UBE2G1: variants seen among roughly 807,000 people sequenced by gnomAD.
The protein encoded by UBE2G1 is ubiquitin-conjugating enzyme E2 G1.
UBE2G1 carries 5 observed loss-of-function variants against 22.7 expected under a neutral mutation model. The observed-to-expected ratio is 0.22, with a 90% CI of 0.12 to 0.46. The LOEUF is 0.46. Ranked by LOEUF, UBE2G1 falls within the 20% of genes least tolerant of loss-of-function variation. UBE2G1 has a pLI of 0.99. For missense variants in UBE2G1, 88 were observed against 203.9 expected (o/e 0.43, Z 3.46); for synonymous variants, 74 against 67.5 (o/e 1.10, Z -0.47).
intron 3 of UBE2G1, among the ~76,000 whole-genome samples, chr17:4,296,411 T>C (rs931383993): frequency 1.3e-4 from 20 of 152,000 alleles, no homozygotes; most frequent in Non-Finnish European, 1.5e-5. Context: ...TACAGGTGTG[T>C]GCCACCATGC....
chr17:4,337,036 T>C (rs1969655887), intron 1 of UBE2G1, among the ~76,000 whole-genome samples: 1 of 152,172 alleles, frequency 6.6e-6, no homozygotes, highest in Non-Finnish European at 1.5e-5. Flanking sequence ...AGACTTGACA[T>C]TTATGTACTC....
At chr17:4,335,457 C>A (rs900316622) in intron 1 of UBE2G1, 3 of 152,118 alleles carry the variant, frequency 2.0e-5, no homozygotes, top group Non-Finnish European at 4.4e-5. Flanking sequence ...CTGTAACCAG[C>A]CAAAACATCA....
Position 4,366,597 on chromosome 17 carries a change from G to C in UBE2G1, c.-281C>G. 2.9e-6 allele frequency: 1 copy of C among 341,112 alleles called. No homozygotes were observed. The highest frequency in any genetic ancestry group is 7.9e-5 in the South Asian group (1 of 12,614). The allele number at this position is 341,112 out of a possible 1,614,324, so 21.1% of individuals were successfully genotyped here. A position where few individuals can be genotyped will look rare whatever the true frequency, so the allele number is the denominator to read the frequency against. ...CTCGCCCGCTTCCCTCCTTCAACCC[G>C]CCCGTCGGCCCCACCGGTGCCTTCC... On this transcript the variant is annotated 5_prime_UTR_variant, in exon 1 of 6. Transcript: ENST00000396981.
chr17:4,286,297 C>T (rs1218548111), intron 4 of UBE2G1, among the ~76,000 whole-genome samples: 5 of 150,948 alleles, frequency 3.3e-5, no homozygotes, highest in African/African-American at 7.3e-5. Context: ...CCCAGCTACT[C>T]GGGAGGCTGA....
At chr17:4,325,293 C>A (rs1261310299) in intron 1 of UBE2G1, among the ~76,000 whole-genome samples, 2 of 152,034 alleles carry the variant, frequency 1.3e-5, no homozygotes, top group African/African-American at 4.8e-5. Flanking sequence ...TGGGTGATGA[C>A]GTGTCAATGT....
chr17:4,317,537 A>G (rs1040447312), intron 1 of UBE2G1, among the ~76,000 whole-genome samples: 1 of 152,176 alleles, frequency 6.6e-6, no homozygotes, highest in African/African-American at 2.4e-5. Context: ...CAACAAAACA[A>G]AAAATATTCC....
At chr17:4,335,591 C>G (rs1442811782) in intron 1 of UBE2G1, among the ~76,000 whole-genome samples, 1 of 152,126 alleles carries the variant, frequency 6.6e-6, no homozygotes, top group Non-Finnish European at 1.5e-5. Context: ...CTTTATAATA[C>G]CCATAGAACT....
intron 1 of UBE2G1, among the ~76,000 whole-genome samples, chr17:4,340,846 G>A (rs1969703059): frequency 7.0e-6 from 1 of 143,064 alleles, no homozygotes; most frequent in Admixed American, 7.2e-5. Flanking sequence ...GGTCTCAAGT[G>A]ACCCTCCCAT....
chr17:4,289,320 G>A lies in UBE2G1; in HGVS notation c.336C>T (p.Leu112=), dbSNP rs1159890795. 1.3e-6 allele frequency: 2 copies of A among 1,596,726 alleles called. No individual in the cohort carries two copies. Among genetic ancestry groups the A allele is most frequent in the East Asian group, 2.3e-5 (1 of 43,428 alleles). The change falls in exon 4 of 6, where the codon CTC becomes CTT. Residue 112 remains leucine (L), a synonymous_variant. Coordinates refer to ENST00000396981, the MANE Select transcript of UBE2G1 (RefSeq NM_003342.5). ...TGATGGTTTCCACAGTGTGGATAGG[G>A]AGCCAGCGTTCCTCTGGCTTTTCAT... ...YGYEKPEERW[L]PIHTVETIMI...
At chr17:4,311,545 C>T (rs1468649450) in intron 1 of UBE2G1, among the ~76,000 whole-genome samples, 3 of 152,134 alleles carry the variant, frequency 2.0e-5, no homozygotes, top group Non-Finnish European at 2.9e-5. Flanking sequence ...TATAAAGTCA[C>T]ATGTTATATG....
In UBE2G1 at chr17:4,276,464, T is replaced by G. The variant is rs76436977; in HGVS notation, c.*38-3948A>C. ...GTGAGCCACTGCCCCTGGCCTCCAC[T>G]GAAGTTTTTAATGTGGTTTAACCTT... On this transcript the variant is annotated intron_variant, in intron 5 of 5. Transcript: ENST00000396981. Among the ~76,000 whole-genome samples the G allele has an allele frequency of 3.9e-4, 60 of 152,278 alleles. No homozygotes were observed. In the East Asian group the frequency reaches 8.1e-3, roughly 21 times the overall value.
At chr17:4,351,224 G>C (rs1387088862) in intron 1 of UBE2G1, among the ~76,000 whole-genome samples, 1 of 151,836 alleles carries the variant, frequency 6.6e-6, no homozygotes, top group Non-Finnish European at 1.5e-5. Flanking sequence ...CTGAATGCAG[G>C]GTATGTAAGA....
intron 1 of UBE2G1, among the ~76,000 whole-genome samples, chr17:4,355,575 G>A (rs553187791): frequency 3.7e-4 from 54 of 147,440 alleles, no homozygotes; most frequent in Admixed American, 6.1e-4. Flanking sequence ...CTGGGAGGCC[G>A]AGGTTGCGGT....
At chr17:4,330,991 C>A (rs912947659) in intron 1 of UBE2G1, among the ~76,000 whole-genome samples, 1 of 151,054 alleles carries the variant, frequency 6.6e-6, no homozygotes, top group African/African-American at 2.5e-5. Flanking sequence ...CACACACACA[C>A]ACACACACAC....
At chr17:4,364,603 C>CA (rs1970011225) in intron 1 of UBE2G1, 1 of 149,288 alleles carries the variant, frequency 6.7e-6, no homozygotes, top group Admixed American at 6.7e-5. Context: ...TTTTTTTGAA[C>CA]AGAGTCTCGC....
chr17:4,278,584 G>A (rs538790004), intron 5 of UBE2G1, among the ~76,000 whole-genome samples: 4 of 152,354 alleles, frequency 2.6e-5, no homozygotes, highest in African/African-American at 9.6e-5. Flanking sequence ...AGACAGATGA[G>A]TGAAATATAG....
rs374673752 is a variant in UBE2G1 at position 4,272,195 on chromosome 17, C to T, written c.*359G>A. On this transcript the variant is annotated 3_prime_UTR_variant, in exon 6 of 6. Coordinates refer to ENST00000396981, the MANE Select transcript of UBE2G1 (RefSeq NM_003342.5). The stretch of plus-strand genomic sequence containing the variant: ...CTGCTAAAATCTCTTAGAATTTACA[C>T]GATTCTTATTCTACTACAAGAAAGC... 7 of 152,582 alleles carry T rather than the reference C, an allele frequency of 4.6e-5. No individual in the cohort carries two copies. Among genetic ancestry groups the T allele is most frequent in the South Asian group, 4.1e-4 (2 of 4,836 alleles). 9.5% of individuals were successfully genotyped at this position (152,582 alleles called of 1,614,324 possible).
rs77804231 is a variant in UBE2G1 at position 4,276,552 on chromosome 17, T to C, written c.*38-4036A>G. Among the ~76,000 whole-genome samples the C allele has an allele frequency of 2.7e-3, 411 of 152,306 alleles. 1 individual carries two copies. The highest frequency in any genetic ancestry group is 9.2e-3 in the African/African-American group (384 of 41,572). On this transcript the variant is annotated intron_variant, in intron 5 of 5. Coordinates refer to ENST00000396981, the MANE Select transcript of UBE2G1 (RefSeq NM_003342.5). The stretch of plus-strand genomic sequence containing the variant: ...AGTCTTTACAGGTCAGTATAGTGTA[T>C]CTATCGCATTCTATGTGTTCCTTCT...
At chr17:4,282,605 C>CA (rs1968908343) in intron 5 of UBE2G1, among the ~76,000 whole-genome samples, 193 bp downstream of exon 5, 1 of 152,032 alleles carries the variant, frequency 6.6e-6, no homozygotes, top group Non-Finnish European at 1.5e-5. Context: ...AATATCTAGT[C>CA]AAAAACAGCT....
Sources: gnomAD v4.1 joint callset for allele counts (sites outside exome capture counted in the v4.1 genomes callset) on GRCh38, gnomAD v4.1.1 for gene constraint, MANE v1.5 for transcripts, NCBI Gene and HGNC (gene_info 2026-07-23, HGNC 2026-07-21) for gene names.